ABCC1: variants seen among roughly 807,000 people sequenced by gnomAD.
The protein encoded by ABCC1 is multidrug resistance-associated protein 1.
In ABCC1, 83 loss-of-function variants were observed where a neutral mutation model predicts 172.9. That is an observed-to-expected ratio of 0.48 (90% confidence interval 0.40 to 0.58). The LOEUF is 0.58. ABCC1 is among the 20% of genes least tolerant of loss of function. The pLI is 0.00. For synonymous variants in ABCC1, 937 were observed against 825.2 expected, an observed-to-expected ratio of 1.14 and a Z score of -2.32; for missense variants, 1,817 against 2,002.7, an observed-to-expected ratio of 0.91 and a Z score of 1.77.
At chr16:16,047,824 C>G (rs1351381313) in intron 9 of ABCC1, among the ~76,000 whole-genome samples, 1 of 150,572 alleles carries the variant, frequency 6.6e-6, no homozygotes, top group Admixed American at 6.6e-5. Flanking sequence ...CAACTCCCCC[C>G]ACCCCCCACC....
chr16:16,036,663 G>A, intron 7 of ABCC1, 60 bp downstream of exon 7: 1 of 1,582,324 alleles, frequency 6.3e-7, no homozygotes, highest in African/African-American at 1.3e-5. Flanking sequence ...CACTCCTGTG[G>A]CCTCAATCCA....
chr16:16,052,669 G>C, intron 10 of ABCC1, 55 bp from the exon 11 acceptor site: 10 of 1,563,532 alleles, frequency 6.4e-6, no homozygotes, highest in Middle Eastern at 1.7e-4. Context: ...AAGCTGTTAC[G>C]GGCCCTGTTT....
rs117314539 is a variant in ABCC1, at chr16:16,007,154, G to T, written c.49-662G>T. Among the ~76,000 whole-genome samples, 182 of 152,048 alleles carry T rather than the reference G, an allele frequency of 1.2e-3. 1 individual carries two copies. The East Asian group carries it at 0.031, about 26-fold the overall frequency. On this transcript the variant is annotated intron_variant, in intron 1 of 30. Transcript: ENST00000399410. The stretch of plus-strand genomic sequence containing the variant: ...GCCACAGGTTCTGGGGACTGTTAAT[G>T]TGAGATGAGATGCTACATACCTTTT...
chr16:16,029,516 G>A (rs1230811329), intron 5 of ABCC1, among the ~76,000 whole-genome samples: 1 of 152,122 alleles, frequency 6.6e-6, no homozygotes, highest in Non-Finnish European at 1.5e-5. Flanking sequence ...GAGCCACTGC[G>A]CCCAGCTGCC....
intron 26 of ABCC1, among the ~76,000 whole-genome samples, chr16:16,128,536 T>G (rs536114133): frequency 6.6e-6 from 1 of 152,350 alleles, no homozygotes; most frequent in Non-Finnish European, 1.5e-5. Context: ...AGAAAGTAAT[T>G]GTCCTCATTA....
At chr16:16,092,507 TTTACAC>T (rs1314845373) in intron 19 of ABCC1, among the ~76,000 whole-genome samples, 2 of 152,222 alleles carry the variant, frequency 1.3e-5, no homozygotes, top group Non-Finnish European at 2.9e-5. Flanking sequence ...ACTGGCGGCT[TTTACAC>T]TTAGCGTGGT....
intron 5 of ABCC1, among the ~76,000 whole-genome samples, chr16:16,030,491 C>G (rs2048525021): frequency 6.6e-6 from 1 of 152,132 alleles, no homozygotes; most frequent in Non-Finnish European, 1.5e-5. Context: ...CGCCACTGGA[C>G]TCCAGCCTGG....
intron 11 of ABCC1, 55 bp from the exon 12 acceptor site, chr16:16,056,037 T>G: frequency 6.7e-7 from 1 of 1,488,056 alleles, no homozygotes; most frequent in Non-Finnish European, 9.4e-7. Context: ...TGATGTTGAG[T>G]GATGGGCTGA....
At chr16:15,959,295 T>C (rs1037500724) in intron 1 of ABCC1, among the ~76,000 whole-genome samples, 1 of 152,200 alleles carries the variant, frequency 6.6e-6, no homozygotes, top group Non-Finnish European at 1.5e-5. Flanking sequence ...CATTCTCCCC[T>C]GGGAAAACAA....
At chr16:16,056,579 G>T (rs1287716435) in intron 12 of ABCC1, 1 of 455,990 alleles carries the variant, frequency 2.2e-6, no homozygotes, top group Non-Finnish European at 4.0e-6. Context: ...TGAGGCAAGA[G>T]AATTACTTCA....
intron 1 of ABCC1, among the ~76,000 whole-genome samples, chr16:15,965,932 G>C (rs1438381311): frequency 6.6e-6 from 1 of 152,102 alleles, no homozygotes; most frequent in African/African-American, 2.4e-5. Context: ...AATACCACAT[G>C]GGTAGAGTGC....
chr16:16,091,835 G>A (rs2051268455), intron 19 of ABCC1, among the ~76,000 whole-genome samples: 1 of 152,206 alleles, frequency 6.6e-6, no homozygotes, highest in Non-Finnish European at 1.5e-5. Context: ...GCTGCTGGCA[G>A]GGTTGGTTCT....
chr16:15,975,085 A>C (rs1035813783), intron 1 of ABCC1, among the ~76,000 whole-genome samples: 4 of 152,124 alleles, frequency 2.6e-5, no homozygotes, highest in Non-Finnish European at 2.9e-5. Flanking sequence ...CACCATGCCC[A>C]GCCTCCCCCT....
rs1008128342 is a variant in ABCC1, at chr16:16,007,731, C to T, written c.49-85C>T. ...GAGCCTTGTCTGTTTCTTCAAACCC[C>T]GTGGCAGCTGGTTTCATGCTCCAGG... is the stretch of plus-strand genomic sequence containing the variant. On this transcript the variant is annotated intron_variant, in intron 1 of 30. Transcript: ENST00000399410. 2.6e-5 allele frequency: 36 copies of T among 1,364,066 alleles called. No individual in the cohort carries two copies. The Middle Eastern group carries it at 5.7e-4, about 22-fold the overall frequency. The allele number at this position is 1,364,066 out of a possible 1,614,324, so 84.5% of individuals were successfully genotyped here. A position where few individuals can be genotyped will look rare whatever the true frequency, so the allele number is the denominator to read the frequency against.
intron 5 of ABCC1, among the ~76,000 whole-genome samples, chr16:16,023,436 G>T (rs2048262278): frequency 6.6e-6 from 1 of 152,178 alleles, no homozygotes; most frequent in Non-Finnish European, 1.5e-5. Context: ...AGGACGCCAG[G>T]AAGTTCCCTC....
intron 27 of ABCC1, among the ~76,000 whole-genome samples, chr16:16,134,115 T>G (rs1018900953): frequency 1.3e-5 from 2 of 152,176 alleles, no homozygotes; most frequent in Non-Finnish European, 2.9e-5. Flanking sequence ...TAGTAACTTA[T>G]AAAAAGCCGA....
chr16:16,063,501 C>A (rs2049995799), intron 12 of ABCC1, among the ~76,000 whole-genome samples: 1 of 152,134 alleles, frequency 6.6e-6, no homozygotes, highest in Non-Finnish European at 1.5e-5. Flanking sequence ...TGAATAAATA[C>A]ATGAATGAAT....
intron 16 of ABCC1, 114 bp downstream of exon 16, chr16:16,079,592 G>C: frequency 7.5e-7 from 1 of 1,333,654 alleles, no homozygotes; most frequent in Non-Finnish European, 1.0e-6. Flanking sequence ...AAGCAGCAAC[G>C]TCTCTTTTCC....
intron 24 of ABCC1, among the ~76,000 whole-genome samples, chr16:16,124,393 GT>G (rs2045334127): frequency 5.3e-5 from 7 of 131,656 alleles, no homozygotes; most frequent in Admixed American, 8.5e-5. Flanking sequence ...GTGTGTGTGT[GT>G]GTGTGTGTGT....
Sources: allele counts gnomAD v4.1 joint callset (sites outside exome capture counted in the v4.1 genomes callset), GRCh38; gene constraint gnomAD v4.1.1; transcripts MANE v1.5; gene names NCBI Gene and HGNC (gene_info 2026-07-23, HGNC 2026-07-21).